Variants in GLRA3 observed in about 807,000 individuals in gnomAD.
GLRA3 encodes the protein glycine receptor subunit alpha-3.
In GLRA3, 44 loss-of-function variants were observed where a neutral mutation model predicts 60.4. The observed-to-expected ratio is 0.73, with a 90% CI of 0.57 to 0.94. The LOEUF is 0.94. Among genes scored for constraint, GLRA3 ranks in the 40% least tolerant of loss-of-function variants. The pLI is 0.00. For synonymous variants in GLRA3, 223 were observed against 192.9 expected (o/e 1.16, Z -1.29); for missense variants, 508 against 564.6 (o/e 0.90, Z 1.02).
intron 5 of GLRA3, among the ~76,000 whole-genome samples, chr4:174,687,705 C>G (rs559360726): frequency 1.3e-5 from 2 of 152,194 alleles, no homozygotes; most frequent in East Asian, 3.9e-4. Flanking sequence ...CTTCCCAATA[C>G]TTAAGAGATT....
chr4:174,759,341 T>C (rs1383904763), intron 3 of GLRA3, among the ~76,000 whole-genome samples: 2 of 152,056 alleles, frequency 1.3e-5, no homozygotes, highest in African/African-American at 4.8e-5. Flanking sequence ...TAAAAGGTTA[T>C]AATTTTAAAA....
At chr4:174,745,016 A>G (rs888965878) in intron 3 of GLRA3, among the ~76,000 whole-genome samples, 1 of 152,210 alleles carries the variant, frequency 6.6e-6, no homozygotes, top group Non-Finnish European at 1.5e-5. Context: ...AATGCAAAAT[A>G]CACTCAAAAG....
At chr4:174,728,738 G>T (rs767933597) in intron 3 of GLRA3, 40 bp from the exon 4 acceptor site, 2 of 1,299,836 alleles carry the variant, frequency 1.5e-6, no homozygotes, top group Non-Finnish European at 2.2e-6. Context: ...AAAAAACCCT[G>T]CTTTAAAAAG....
At chr4:174,763,840 T>C (rs897096484) in intron 3 of GLRA3, among the ~76,000 whole-genome samples, 3 of 152,172 alleles carry the variant, frequency 2.0e-5, no homozygotes, top group African/African-American at 7.2e-5. Context: ...AGAACGGGAA[T>C]TTCCAGTAGT....
intron 7 of GLRA3, among the ~76,000 whole-genome samples, chr4:174,664,013 A>G (rs910434818): frequency 6.6e-6 from 1 of 152,112 alleles, no homozygotes; most frequent in Admixed American, 6.5e-5. Context: ...TGGTCAGGGG[A>G]CCTTTGTCCC....
At chr4:174,759,851 C>T (rs957405827) in intron 3 of GLRA3, among the ~76,000 whole-genome samples, 2 of 152,028 alleles carry the variant, frequency 1.3e-5, no homozygotes, top group African/African-American at 4.8e-5. Flanking sequence ...TATACATATA[C>T]AACTGTACAA....
At chr4:174,725,529 G>C (rs1232811199) in intron 4 of GLRA3, among the ~76,000 whole-genome samples, 2 of 152,132 alleles carry the variant, frequency 1.3e-5, no homozygotes, top group Non-Finnish European at 2.9e-5. Context: ...TACCCAGGCT[G>C]GAGTGCAGTG....
chr4:174,725,181 T>C (rs898754694), intron 4 of GLRA3, among the ~76,000 whole-genome samples: 11 of 152,244 alleles, frequency 7.2e-5, no homozygotes, highest in African/African-American at 2.7e-4. Context: ...CCTGAGGCTG[T>C]TTCCCAGGCC....
intron 4 of GLRA3, among the ~76,000 whole-genome samples, chr4:174,719,014 G>C (rs923022485): frequency 3.5e-5 from 5 of 144,098 alleles, no homozygotes; most frequent in Non-Finnish European, 6.0e-5. Flanking sequence ...CCAGGCTGGA[G>C]TGCAGTGGCG....
chr4:174,778,281 A>C lies in GLRA3; in HGVS notation c.199+10535T>G, dbSNP rs950093728. On this transcript the variant is annotated intron_variant, in intron 2 of 9. Coordinates refer to ENST00000274093, the MANE Select transcript of GLRA3 (RefSeq NM_006529.4). ...AAAAGATTTCCAATTCTGAGAAAGA[A>C]ATGGTGGAATCTACCTATTATTTTC... Among the ~76,000 whole-genome samples the C allele has an allele frequency of 4.8e-4, 73 of 152,186 alleles. 1 individual carries two copies. The highest frequency in any genetic ancestry group is 1.3e-4 in the Non-Finnish European group (9 of 68,028).
intron 1 of GLRA3, among the ~76,000 whole-genome samples, chr4:174,818,522 C>A (rs978605835): frequency 3.3e-5 from 5 of 152,102 alleles, no homozygotes; most frequent in Non-Finnish European, 7.4e-5. Flanking sequence ...TCAGGAGGCA[C>A]CAGCAAAGGT....
chr4:174,686,740 A>C (rs1020863452), intron 5 of GLRA3, among the ~76,000 whole-genome samples: 6 of 152,324 alleles, frequency 3.9e-5, no homozygotes, highest in African/African-American at 1.2e-4. Flanking sequence ...AAGTATGCAA[A>C]AGAAGGTGAG....
chr4:174,756,060 C>T (rs544940213), intron 3 of GLRA3, among the ~76,000 whole-genome samples: 1 of 152,148 alleles, frequency 6.6e-6, no homozygotes, highest in South Asian at 2.1e-4. Flanking sequence ...AAAACTGATG[C>T]TATGAAAAAC....
chr4:174,671,375 A>G (rs901799103), intron 7 of GLRA3, among the ~76,000 whole-genome samples: 1 of 151,902 alleles, frequency 6.6e-6, no homozygotes, highest in Non-Finnish European at 1.5e-5. Context: ...CTCTCCTTTA[A>G]AATTTAAGGG....
At chr4:174,764,823 A>C (rs1738078074) in intron 3 of GLRA3, among the ~76,000 whole-genome samples, 1 of 152,110 alleles carries the variant, frequency 6.6e-6, no homozygotes, top group Non-Finnish European at 1.5e-5. Context: ...ATATAGATGA[A>C]CATCAAAATC....
intron 3 of GLRA3, among the ~76,000 whole-genome samples, chr4:174,746,362 G>A (rs1261142738): frequency 6.6e-6 from 1 of 152,046 alleles, no homozygotes; most frequent in East Asian, 1.9e-4. Flanking sequence ...AAGAGCTGCA[G>A]GTCATTCTTT....
At chr4:174,826,661 T>C (rs1197529738) in intron 1 of GLRA3, among the ~76,000 whole-genome samples, 2 of 152,222 alleles carry the variant, frequency 1.3e-5, no homozygotes, top group Non-Finnish European at 2.9e-5. Context: ...TAAATATCTG[T>C]GGTTTCTGGT....
intron 2 of GLRA3, among the ~76,000 whole-genome samples, chr4:174,782,996 A>G (rs192543711): frequency 3.0e-4 from 45 of 152,364 alleles, no homozygotes; most frequent in African/African-American, 1.1e-3. Flanking sequence ...ACCAAAAAAG[A>G]GCCTGCATCA....
chr4:174,734,850 T>TA (rs769071852), intron 3 of GLRA3, among the ~76,000 whole-genome samples: 88 of 152,136 alleles, frequency 5.8e-4, no homozygotes, highest in Non-Finnish European at 4.1e-4. Flanking sequence ...GAGGTAAACT[T>TA]AGTTCATGGG....
Sources: gnomAD v4.1 joint callset for allele counts (sites outside exome capture counted in the v4.1 genomes callset) on GRCh38, gnomAD v4.1.1 for gene constraint, MANE v1.5 for transcripts, NCBI Gene and HGNC (gene_info 2026-07-23, HGNC 2026-07-21) for gene names.